HM13: variants seen among roughly 807,000 people sequenced by gnomAD.
HM13 encodes the protein signal peptide peptidase.
HM13 carries 18 observed loss-of-function variants against 50.0 expected under a neutral mutation model. That is an observed-to-expected ratio of 0.36 (90% CI 0.25 to 0.53). HM13 has a LOEUF of 0.53. HM13 is among the 20% of genes least tolerant of loss of function. The probability of loss-of-function intolerance (pLI) is 0.90; values close to 1 mark genes in which losing one functional copy is unlikely to be tolerated. For missense variants in HM13, 393 were observed against 552.4 expected, an observed-to-expected ratio of 0.71 and a Z score of 2.89; for synonymous variants, 197 against 232.6, an observed-to-expected ratio of 0.85 and a Z score of 1.39.
chr20:31,519,188 A>G (rs972581681), intron 1 of HM13, among the ~76,000 whole-genome samples: 2 of 152,148 alleles, frequency 1.3e-5, no homozygotes, highest in African/African-American at 2.4e-5. Context: ...TGCACGCTCC[A>G]TCTCTTGGGT....
At chr20:31,555,414 A>G (rs937101019) in intron 8 of HM13, among the ~76,000 whole-genome samples, 3 of 139,478 alleles carry the variant, frequency 2.2e-5, no homozygotes, top group Non-Finnish European at 4.5e-5. Flanking sequence ...GGTTCTAGTC[A>G]GTGTGTCTGT....
intron 3 of HM13, chr20:31,539,459 G>T (rs1600640453): frequency 1.0e-6 from 1 of 985,504 alleles, no homozygotes. Flanking sequence ...TAGAAAGTTT[G>T]TGCACATTGA....
At chr20:31,518,765 A>C (rs1466018673) in intron 1 of HM13, among the ~76,000 whole-genome samples, 1 of 152,068 alleles carries the variant, frequency 6.6e-6, no homozygotes, top group South Asian at 2.1e-4. Context: ...GGTTGAGGCG[A>C]GAGGATAACT....
At chr20:31,544,294 T>C (rs1458439546) in intron 3 of HM13, among the ~76,000 whole-genome samples, 2 of 152,262 alleles carry the variant, frequency 1.3e-5, no homozygotes, top group East Asian at 1.9e-4. Context: ...CTCTGCTTCC[T>C]TCCTGGCTGG....
chr20:31,516,741 C>T (rs1286386252), intron 1 of HM13, among the ~76,000 whole-genome samples: 1 of 152,174 alleles, frequency 6.6e-6, no homozygotes, highest in Non-Finnish European at 1.5e-5. Context: ...CTCTCCCAAG[C>T]ATCTCCTGCA....
At chr20:31,562,038 G>T (rs1340676425) in intron 10 of HM13, among the ~76,000 whole-genome samples, 2 of 152,228 alleles carry the variant, frequency 1.3e-5, no homozygotes, top group Non-Finnish European at 2.9e-5. Context: ...GCCAGACTGG[G>T]GTCCTAAAGC....
rs775725810 is a variant in HM13 at position 31,549,133 on chromosome 20, G to A, written c.540+19G>A. 12 of 1,613,884 alleles carry A rather than the reference G, an allele frequency of 7.4e-6. No individual in the cohort carries two copies. The South Asian group carries it at 1.2e-4, about 16-fold the overall frequency. ...GAGGAAGGTGAGTAGTCAGGACCTGGGCAGAAGGGGAGGATGGGGTTGACA... is the reference window on the plus strand; with the variant it reads ...GAGGAAGGTGAGTAGTCAGGACCTGAGCAGAAGGGGAGGATGGGGTTGACA... On this transcript the variant is annotated intron_variant, in intron 5 of 12. Coordinates refer to ENST00000398174, the MANE Select transcript of HM13 (RefSeq NM_178581.3).
At chr20:31,552,977 A>T (rs1984109874) in intron 7 of HM13, among the ~76,000 whole-genome samples, 1 of 152,044 alleles carries the variant, frequency 6.6e-6, no homozygotes, top group South Asian at 2.1e-4. Context: ...TCCGTCTCAA[A>T]TATATATGTA....
chr20:31,551,046 A>G (rs1301542499), intron 7 of HM13, among the ~76,000 whole-genome samples: 3 of 152,230 alleles, frequency 2.0e-5, no homozygotes, highest in African/African-American at 4.8e-5. Context: ...GCTATTATGT[A>G]TAATGTGAAT....
rs547399522 is a variant in HM13, at chr20:31,569,096, T to G, written c.1182-24T>G. The stretch of plus-strand genomic sequence containing the variant: ...CCCTCTCCTCTAAATGAATTTTTAT[T>G]GTTGTTTTTTTTTTTTTGGTCAGTT... On this transcript the variant is annotated intron_variant, in intron 12 of 12. Transcript: ENST00000398174. 5.4e-4 allele frequency: 784 copies of G among 1,461,216 alleles called. 8 individuals are homozygous for G. The Middle Eastern group carries it at 0.014, about 27-fold the overall frequency. 90.5% of individuals were successfully genotyped at this position (1,461,216 alleles called of 1,614,324 possible).
chr20:31,542,646 G>A (rs1290621766), intron 3 of HM13, among the ~76,000 whole-genome samples: 2 of 152,150 alleles, frequency 1.3e-5, no homozygotes, highest in African/African-American at 4.8e-5. Flanking sequence ...AAGTCCACAG[G>A]CTCGCGCTAG....
At position 31,514,478 on chromosome 20, in the gene HM13, C is replaced by A. The variant is rs1981633228; in HGVS notation, c.-74C>A. The A allele has an allele frequency of 4.7e-6, 7 of 1,500,870 alleles. No homozygotes were observed. The Admixed American group carries it at 1.2e-4, about 26-fold the overall frequency. 93.0% of individuals were successfully genotyped at this position (1,500,870 alleles called of 1,614,324 possible). On this transcript the variant is annotated 5_prime_UTR_variant, in exon 1 of 13. Coordinates refer to ENST00000398174, the MANE Select transcript of HM13 (RefSeq NM_178581.3). This position sits in a 1 kb window ranked among gnomAD's most constrained non-coding sequence, Gnocchi z 4.3. Reference sequence around the variant, plus strand: ...CCTTAGGGGAACGTGGCTTTCCCTGCAGAGCCGGTGTCTCCGCCTGCGTCC... The same window carrying A: ...CCTTAGGGGAACGTGGCTTTCCCTGAAGAGCCGGTGTCTCCGCCTGCGTCC...
At chr20:31,538,612 A>G in intron 3 of HM13, 1 of 1,236,336 alleles carries the variant, frequency 8.1e-7, no homozygotes, top group Non-Finnish European at 1.0e-6. Context: ...GCTAAGTGCC[A>G]TGTTGGGCTC....
intron 1 of HM13, among the ~76,000 whole-genome samples, chr20:31,525,632 G>T (rs1982438213): frequency 6.6e-6 from 1 of 151,978 alleles, no homozygotes; most frequent in South Asian, 2.1e-4. Context: ...AATCTGGAAG[G>T]GCTTCGTGGC....
intron 10 of HM13, among the ~76,000 whole-genome samples, chr20:31,562,119 G>A (rs2063849568): frequency 2.0e-5 from 3 of 152,216 alleles, no homozygotes; most frequent in Non-Finnish European, 2.9e-5. Context: ...AGCAGGCAGA[G>A]AAGAACAGGA....
intron 3 of HM13, among the ~76,000 whole-genome samples, chr20:31,544,184 T>C (rs1159404620): frequency 6.6e-6 from 1 of 152,228 alleles, no homozygotes; most frequent in Non-Finnish European, 1.5e-5. Flanking sequence ...GCCTCAGTGC[T>C]GGGCCACCCA....
intron 11 of HM13, among the ~76,000 whole-genome samples, chr20:31,567,090 G>A (rs1037921525): frequency 6.6e-5 from 10 of 151,906 alleles, no homozygotes; most frequent in East Asian, 1.9e-4. Context: ...CCCCTCCCCC[G>A]GACCTGCCTC....
At chr20:31,518,116 A>G (rs1265488405) in intron 1 of HM13, among the ~76,000 whole-genome samples, 2 of 151,084 alleles carry the variant, frequency 1.3e-5, no homozygotes, top group Non-Finnish European at 2.9e-5. Context: ...GCTCATTGCA[A>G]CTTCTGCCTC....
chr20:31,545,533 G>T (rs1983664483), intron 4 of HM13, among the ~76,000 whole-genome samples: 1 of 152,162 alleles, frequency 6.6e-6, no homozygotes, highest in Non-Finnish European at 1.5e-5. Flanking sequence ...GGGAGGCCAA[G>T]ACAGGATGAT....
Sources: gnomAD v4.1 joint callset for allele counts (sites outside exome capture counted in the v4.1 genomes callset) on GRCh38, gnomAD v4.1.1 for gene constraint, Gnocchi (gnomAD v3.1) non-coding constraint, MANE v1.5 for transcripts, NCBI Gene and HGNC (gene_info 2026-07-23, HGNC 2026-07-21) for gene names.